Variants in TBC1D30 observed in about 807,000 individuals in gnomAD.
TBC1D30 encodes TBC1 domain family, member 30.
TBC1D30 carries 31 observed loss-of-function variants against 63.2 expected under a neutral mutation model. That is an observed-to-expected ratio of 0.49 (90% CI 0.37 to 0.66). TBC1D30 has a LOEUF of 0.66. TBC1D30 is among the 30% of genes least tolerant of loss of function. The pLI is 0.00. For missense variants in TBC1D30, 810 were observed against 953.6 expected (o/e 0.85, Z 1.98); for synonymous variants, 307 against 361.5 (o/e 0.85, Z 1.71).
At chr12:64,837,932 G>A (rs1256283551) in intron 6 of TBC1D30, among the ~76,000 whole-genome samples, 2 of 152,044 alleles carry the variant, frequency 1.3e-5, no homozygotes, top group African/African-American at 4.8e-5. Context: ...AGAAGAAAAT[G>A]AATATAGGAA....
intron 2 of TBC1D30, among the ~76,000 whole-genome samples, chr12:64,817,456 C>T (rs757319565): frequency 9.9e-5 from 15 of 152,208 alleles, no homozygotes; most frequent in African/African-American, 1.2e-4. Context: ...GCGTTGCCTC[C>T]TGGAGGGTCT....
At chr12:64,806,845 C>G (rs1365373304) in intron 2 of TBC1D30, among the ~76,000 whole-genome samples, 1 of 152,194 alleles carries the variant, frequency 6.6e-6, no homozygotes, top group Admixed American at 6.5e-5. Context: ...GAACACTATT[C>G]AGCTTTAGAA....
At chr12:64,817,073 A>G (rs2136338527) in intron 2 of TBC1D30, among the ~76,000 whole-genome samples, 1 of 152,318 alleles carries the variant, frequency 6.6e-6, no homozygotes, top group Admixed American at 6.5e-5. Context: ...TGGAGCAAAC[A>G]CAAAACTAAT....
chr12:64,814,635 A>T (rs1873415687), intron 2 of TBC1D30, among the ~76,000 whole-genome samples: 1 of 152,196 alleles, frequency 6.6e-6, no homozygotes, highest in Admixed American at 6.5e-5. Context: ...ATACTGATGC[A>T]CTGCCAAGTG....
intron 2 of TBC1D30, among the ~76,000 whole-genome samples, chr12:64,811,069 T>A (rs953702988): frequency 6.6e-6 from 1 of 152,232 alleles, no homozygotes; most frequent in Non-Finnish European, 1.5e-5. Context: ...TGGAATCAAG[T>A]TGTATACCAA....
intron 11 of TBC1D30, among the ~76,000 whole-genome samples, chr12:64,874,687 C>G (rs1278650305): frequency 6.6e-6 from 1 of 152,038 alleles, no homozygotes; most frequent in South Asian, 2.1e-4. Flanking sequence ...GGTTGCTACT[C>G]AGAGCCAAGA....
intron 10 of TBC1D30, 82 bp from the exon 11 acceptor site, chr12:64,870,520 C>T: frequency 8.9e-7 from 1 of 1,127,694 alleles, no homozygotes; most frequent in Non-Finnish European, 1.3e-6. Context: ...AGATACCGCA[C>T]TGAGTTGTAG....
At chr12:64,779,032 A>G (rs1277557250), upstream of TBC1D30, 1 of 152,216 alleles carries the variant, frequency 6.6e-6, no homozygotes, top group Non-Finnish European at 1.5e-5. Flanking sequence ...GTTGAATGTC[A>G]ATAACCTATT....
At chr12:64,866,518 A>C (rs1592657681) in intron 9 of TBC1D30, among the ~76,000 whole-genome samples, 1 of 151,870 alleles carries the variant, frequency 6.6e-6, no homozygotes, top group African/African-American at 2.4e-5. Context: ...GCTCACTGCA[A>C]CCTCCGCCTC....
intron 8 of TBC1D30, among the ~76,000 whole-genome samples, chr12:64,861,086 G>C (rs1167470598): frequency 6.6e-6 from 1 of 152,228 alleles, no homozygotes; most frequent in Non-Finnish European, 1.5e-5. Context: ...AAGAATCCTA[G>C]AGGGAGAACT....
At position 64,878,383 on chromosome 12, in the gene TBC1D30, A is replaced by G; in HGVS notation, c.*2595A>G. ...TGTATGCAAACACCAGAAGTACTTAACAAGTAGTGGTTTCTTGATTTTTAG... is the reference window on the plus strand; with the variant it reads ...TGTATGCAAACACCAGAAGTACTTAGCAAGTAGTGGTTTCTTGATTTTTAG... On this transcript the variant is annotated 3_prime_UTR_variant, in exon 12 of 12. Coordinates refer to ENST00000539867, the MANE Select transcript of TBC1D30 (RefSeq NM_015279.2). 8 of 455,600 alleles carry G rather than the reference A, an allele frequency of 1.8e-5. No homozygotes were observed. Among genetic ancestry groups the G allele is most frequent in the South Asian group, 1.2e-4 (8 of 64,436 alleles). 28.2% of individuals were successfully genotyped at this position (455,600 alleles called of 1,614,324 possible). A position where few individuals can be genotyped will look rare whatever the true frequency, so the allele number is the denominator to read the frequency against.
intron 2 of TBC1D30, among the ~76,000 whole-genome samples, chr12:64,799,803 G>A (rs545807154): frequency 6.6e-6 from 1 of 152,258 alleles, no homozygotes; most frequent in African/African-American, 2.4e-5. Context: ...ATGGGGAAGT[G>A]CGATTAGAAA....
chr12:64,794,446 C>CT (rs1040721791), intron 2 of TBC1D30, among the ~76,000 whole-genome samples: 460 of 148,152 alleles, frequency 3.1e-3, no homozygotes, highest in African/African-American at 0.01. Context: ...AATGTTCTTT[C>CT]TTTTTTTTTT....
intron 8 of TBC1D30, among the ~76,000 whole-genome samples, chr12:64,856,650 G>A (rs1877328199): frequency 6.6e-6 from 1 of 152,174 alleles, no homozygotes; most frequent in Admixed American, 6.5e-5. Flanking sequence ...TCAGCACTGG[G>A]CCTTGCCCAA....
At chr12:64,839,934 G>T (rs1013785618) in intron 7 of TBC1D30, among the ~76,000 whole-genome samples, 1 of 147,396 alleles carries the variant, frequency 6.8e-6, no homozygotes, top group Non-Finnish European at 1.5e-5. Context: ...GAACCCAGGG[G>T]ACGGAGCTTG....
chr12:64,824,813 G>T lies in TBC1D30; in HGVS notation c.-67G>T. The T allele has an allele frequency of 1.3e-6, 2 of 1,495,128 alleles. No homozygotes were observed. The highest frequency in any genetic ancestry group is 2.1e-5 in the Admixed American group (1 of 48,430). 92.6% of individuals were successfully genotyped at this position (1,495,128 alleles called of 1,614,324 possible). A position where few individuals can be genotyped will look rare whatever the true frequency, so the allele number is the denominator to read the frequency against. On this transcript the variant is annotated 5_prime_UTR_variant, in exon 1 of 12. Transcript: ENST00000539867. ...CTCACCCAGCTCCGCGAGCTCAGCC[G>T]CTCAGCGAGTGGGGTAGCGGGGACC...
chr12:64,820,418 T>G (rs1347170317), upstream of TBC1D30, among the ~76,000 whole-genome samples: 1 of 152,212 alleles, frequency 6.6e-6, no homozygotes, highest in Admixed American at 6.5e-5. Flanking sequence ...GTGGGGGATG[T>G]CCTCAGGTTA....
At chr12:64,816,800 T>TCCTC (rs1454940515) in intron 2 of TBC1D30, among the ~76,000 whole-genome samples, 132 of 144,888 alleles carry the variant, frequency 9.1e-4, no homozygotes, top group African/African-American at 3.0e-3. Context: ...CTCCCTCCCT[T>TCCTC]CCTCCCTCCC....
At position 64,828,290 on chromosome 12, in the gene TBC1D30, C is replaced by A. The variant is rs1874542489; in HGVS notation, c.217-154C>A. On this transcript the variant is annotated intron_variant, in intron 2 of 11. Transcript: ENST00000539867. ...GACGTGGCACAGTAATAGCCATGGACTGATCACTTCTGTCTGAAAGAAGCT... is the reference window on the plus strand; with the variant it reads ...GACGTGGCACAGTAATAGCCATGGAATGATCACTTCTGTCTGAAAGAAGCT... Among the ~76,000 whole-genome samples, 3 of 152,352 alleles carry A rather than the reference C, an allele frequency of 2.0e-5. No individual in the cohort carries two copies. In the South Asian group the frequency reaches 6.2e-4, roughly 32 times the overall value.
Sources: allele counts gnomAD v4.1 joint callset (sites outside exome capture counted in the v4.1 genomes callset), GRCh38; gene constraint gnomAD v4.1.1; transcripts MANE v1.5; gene names NCBI Gene and HGNC (gene_info 2026-07-23, HGNC 2026-07-21).